Variants in XPO4 observed in about 807,000 individuals in gnomAD.
XPO4 encodes the protein exportin-4.
Under a neutral mutation model 143.0 loss-of-function variants are expected in XPO4, and 39 were observed. The observed-to-expected ratio is 0.27, with a 90% CI of 0.21 to 0.36. XPO4 has a LOEUF of 0.36. XPO4 is among the 10% of genes least tolerant of loss of function. The pLI, the probability that XPO4 is intolerant of heterozygous loss-of-function variation, is 1.00. For missense variants in XPO4, 907 were observed against 1,348.0 expected, an observed-to-expected ratio of 0.67 and a Z score of 5.12; for synonymous variants, 439 against 474.0, an observed-to-expected ratio of 0.93 and a Z score of 0.96.
chr13:20,844,941 G>A (rs561949359), intron 4 of XPO4, among the ~76,000 whole-genome samples: 1 of 152,318 alleles, frequency 6.6e-6, no homozygotes, highest in South Asian at 2.1e-4. Flanking sequence ...GGAGGCCGAG[G>A]CAGGCAATCA....
chr13:20,819,845 C>T (rs989789383), intron 9 of XPO4, among the ~76,000 whole-genome samples: 10 of 152,124 alleles, frequency 6.6e-5, no homozygotes, highest in Non-Finnish European at 1.5e-4. Flanking sequence ...CTCCCCTGGT[C>T]CTCTACTCCC....
intron 18 of XPO4, among the ~76,000 whole-genome samples, chr13:20,793,370 A>C (rs548390801): frequency 2.0e-4 from 30 of 151,988 alleles, no homozygotes; most frequent in Non-Finnish European, 4.0e-4. Context: ...TCTTTTCTTA[A>C]CCTTATTATG....
At chr13:20,809,730 C>T in intron 10 of XPO4, 61 bp downstream of exon 10, 1 of 1,500,812 alleles carries the variant, frequency 6.7e-7, no homozygotes. Context: ...TAATGTGTAA[C>T]ATGGTAAAAT....
intron 6 of XPO4, among the ~76,000 whole-genome samples, chr13:20,838,626 A>AAAAG (rs1566598057): frequency 6.6e-6 from 1 of 151,214 alleles, no homozygotes; most frequent in Non-Finnish European, 1.5e-5. Flanking sequence ...AAAAAAAAAA[A>AAAAG]AAAGAAAGAA....
At chr13:20,894,438 TAA>T (rs2060548692) in intron 1 of XPO4, among the ~76,000 whole-genome samples, 1 of 152,242 alleles carries the variant, frequency 6.6e-6, no homozygotes, top group African/African-American at 2.4e-5. Flanking sequence ...TATAAGTCTA[TAA>T]ATGCAAAACC....
chr13:20,850,635 C>T (rs957612283), intron 4 of XPO4: 4 of 272,786 alleles, frequency 1.5e-5, no homozygotes, highest in Non-Finnish European at 2.2e-5. Context: ...TACAGTGGCA[C>T]GTACCAACAG....
At chr13:20,833,288 G>A (rs74036455) in intron 6 of XPO4, among the ~76,000 whole-genome samples, 8,971 of 152,124 alleles carry the variant, frequency 0.059, 789 homozygotes, top group African/African-American at 0.19. Context: ...ATGCTTTCAC[G>A]GAGCTTCGCG....
chr13:20,799,281 G>T lies in XPO4; in HGVS notation c.2206C>A (p.Arg736=), dbSNP rs994584273. 7 of 1,613,798 alleles carry T rather than the reference G, an allele frequency of 4.3e-6. No homozygotes were observed. Among genetic ancestry groups the T allele is most frequent in the Non-Finnish European group, 5.9e-6 (7 of 1,179,882 alleles). ...GACAAGAAATTAAGAGGTGGGCTTCGGCTTGCAAACTGCTTAGCTAAATTC... is the reference window on the plus strand; with the variant it reads ...GACAAGAAATTAAGAGGTGGGCTTCTGCTTGCAAACTGCTTAGCTAAATTC... ...WWNLAKQFAS[R]SPPLNFLSSP... Residue 736 remains arginine (R), a synonymous_variant, in exon 16 of 23, where the codon CGA becomes AGA. Transcript: ENST00000255305.
chr13:20,868,762 A>G (rs1222777367), intron 1 of XPO4, 61 bp from the exon 2 acceptor site: 2 of 1,476,326 alleles, frequency 1.4e-6, no homozygotes, highest in South Asian at 1.3e-5. Context: ...AATAATATCA[A>G]TATTTTTACC....
chr13:20,884,566 C>A (rs141768213), intron 1 of XPO4, among the ~76,000 whole-genome samples: 1 of 152,184 alleles, frequency 6.6e-6, no homozygotes, highest in East Asian at 1.9e-4. Context: ...CATGACACCA[C>A]ACCTGGCTAA....
intron 6 of XPO4, among the ~76,000 whole-genome samples, chr13:20,832,656 TTTCA>T (rs2059866996): frequency 6.6e-6 from 1 of 152,210 alleles, no homozygotes; most frequent in Admixed American, 6.5e-5. Flanking sequence ...ATTTAATCCC[TTTCA>T]TTATTAAATT....
intron 1 of XPO4, among the ~76,000 whole-genome samples, chr13:20,882,103 C>T (rs1208148606): frequency 3.1e-5 from 3 of 95,880 alleles, no homozygotes; most frequent in Non-Finnish European, 6.0e-5. Context: ...GAGTAAGACT[C>T]GGTCTCAAAA....
intron 1 of XPO4, among the ~76,000 whole-genome samples, chr13:20,893,131 C>T (rs139900287): frequency 3.3e-5 from 5 of 152,250 alleles, no homozygotes; most frequent in South Asian, 2.1e-4. Flanking sequence ...GAAAAAGCGA[C>T]TGGAAAAGAG....
intron 2 of XPO4, among the ~76,000 whole-genome samples, chr13:20,863,794 G>C (rs1162930067): frequency 1.3e-5 from 2 of 152,248 alleles, no homozygotes; most frequent in Non-Finnish European, 1.5e-5. Context: ...ATGCATATCT[G>C]AAAGCCATGA....
rs751785302 is a variant in XPO4 at position 20,804,235 on chromosome 13, T to TTA, written c.1817+3220_1817+3221dup. 7.9e-3 allele frequency among the ~76,000 whole-genome samples: 1,176 copies of TTA among 148,946 alleles called. 5 individuals are homozygous for TTA. The highest frequency in any genetic ancestry group is 0.021 in the Middle Eastern group (6 of 282). On this transcript the variant is annotated intron_variant, in intron 13 of 22. Transcript: ENST00000255305. ...CATTATATATATATACACACACACA[T>TTA]TATATATATATATACACACACACAC...
chr13:20,860,004 C>G (rs1595139107), intron 3 of XPO4: 1 of 207,806 alleles, frequency 4.8e-6, no homozygotes, highest in East Asian at 1.9e-4. Flanking sequence ...TCTAGTTGAC[C>G]TGAAGCTCCC....
intron 1 of XPO4, among the ~76,000 whole-genome samples, chr13:20,884,364 G>A (rs2060441865): frequency 6.6e-6 from 1 of 152,148 alleles, no homozygotes. Context: ...GCAAGAGGGT[G>A]AGACCCTGTC....
intron 1 of XPO4, 94 bp downstream of exon 1, chr13:20,902,576 G>C: frequency 7.2e-7 from 1 of 1,397,280 alleles, no homozygotes; most frequent in Admixed American, 3.2e-5. Flanking sequence ...GCAGGCCCTT[G>C]CCAGTCGCCA....
chr13:20,851,666 C>G, intron 4 of XPO4: 1 of 732,540 alleles, frequency 1.4e-6, no homozygotes, highest in Non-Finnish European at 1.6e-6. Flanking sequence ...GCCAAGACTA[C>G]ACCATTGCCC....
Sources: allele counts gnomAD v4.1 joint callset (sites outside exome capture counted in the v4.1 genomes callset), GRCh38; gene constraint gnomAD v4.1.1; transcripts MANE v1.5; gene names NCBI Gene and HGNC (gene_info 2026-07-23, HGNC 2026-07-21).